The following C12orf54 variants were observed in gnomAD, a reference collection of about 807,000 sequenced individuals.
C12orf54 encodes the protein chromosome 12 open reading frame 54, also known as uncharacterized protein C12orf54.
In C12orf54, 24 loss-of-function variants were observed where a neutral mutation model predicts 26.4. The observed-to-expected ratio is 0.91, with a 90% CI of 0.66 to 1.28. The LOEUF (loss-of-function observed/expected upper bound fraction) is 1.28, where lower values mean the gene tolerates loss of function less well. C12orf54 is among the 50% of genes most tolerant of loss of function. C12orf54 has a pLI of 0.00. For synonymous variants in C12orf54, 54 were observed against 47.0 expected, an observed-to-expected ratio of 1.15 and a Z score of -0.61; for missense variants, 154 against 150.9, an observed-to-expected ratio of 1.02 and a Z score of -0.11.
At chr12:48,480,417 T>G (rs1404345316), upstream of C12orf54, among the ~76,000 whole-genome samples, 1 of 152,110 alleles carries the variant, frequency 6.6e-6, no homozygotes, top group Admixed American at 6.6e-5. Context: ...GCTTATCTGT[T>G]TACTCTGTTG....
At chr12:48,444,947 C>T in the C12orf54 span, among the ~76,000 whole-genome samples, 3 of 152,042 alleles carry the variant, frequency 2.0e-5, no homozygotes, top group South Asian at 2.1e-4. Context: ...CCGAGGTGGG[C>T]GGATCACGAG....
the C12orf54 span, among the ~76,000 whole-genome samples, chr12:48,468,232 G>T: frequency 6.6e-6 from 1 of 152,162 alleles, no homozygotes; most frequent in Non-Finnish European, 1.5e-5. Flanking sequence ...TTAGAGAGGG[G>T]TTATAAGAAG....
At chr12:48,454,092 G>GT in the C12orf54 span, among the ~76,000 whole-genome samples, 43 of 75,744 alleles carry the variant, frequency 5.7e-4, 5 homozygotes, top group Non-Finnish European at 7.8e-4. Flanking sequence ...CTCTTTTTTT[G>GT]TTTGTTTTTT....
intron 5 of C12orf54, chr12:48,489,317 G>A: frequency 2.6e-6 from 1 of 391,044 alleles, no homozygotes; most frequent in Non-Finnish European, 5.0e-6. Context: ...GTTAACTGCA[G>A]GGAAGTATGA....
At chr12:48,431,257 T>C in the C12orf54 span, among the ~76,000 whole-genome samples, 1 of 152,160 alleles carries the variant, frequency 6.6e-6, no homozygotes, top group Non-Finnish European at 1.5e-5. Context: ...CTTACTCATG[T>C]AACCAAACAC....
chr12:48,417,252 C>G, the C12orf54 span: 1 of 152,244 alleles, frequency 6.6e-6, no homozygotes, highest in African/African-American at 2.4e-5. Flanking sequence ...CTCCCAGGAA[C>G]AGCACAAATA....
chr12:48,489,286 C>T (rs1362502372), intron 5 of C12orf54: 4 of 478,678 alleles, frequency 8.4e-6, no homozygotes, highest in African/African-American at 3.9e-5. Context: ...TAGTAAACTG[C>T]CTTATTAGGT....
At chr12:48,447,212 C>CTGTGTGTATGTGTG in the C12orf54 span, among the ~76,000 whole-genome samples, 596 of 91,056 alleles carry the variant, frequency 6.5e-3, 10 homozygotes, top group Middle Eastern at 0.017. Flanking sequence ...CTCTCTTACT[C>CTGTGTGTATGTGTG]TGTGTGTGTG....
chr12:48,424,409 G>A, the C12orf54 span, among the ~76,000 whole-genome samples: 1 of 151,998 alleles, frequency 6.6e-6, no homozygotes, highest in South Asian at 2.1e-4. Context: ...TTTATAATTA[G>A]TATTATTTCT....
the C12orf54 span, among the ~76,000 whole-genome samples, chr12:48,471,125 C>T: frequency 6.6e-6 from 1 of 152,060 alleles, no homozygotes; most frequent in African/African-American, 2.4e-5. Context: ...CCCCACTACA[C>T]TTCCCAGCCC....
At chr12:48,429,446 A>C in the C12orf54 span, among the ~76,000 whole-genome samples, 1 of 152,228 alleles carries the variant, frequency 6.6e-6, no homozygotes, top group South Asian at 2.1e-4. Flanking sequence ...AGGCTCCTCA[A>C]ACTGATAAAA....
the C12orf54 span, among the ~76,000 whole-genome samples, chr12:48,459,000 C>CCTCACTAT: frequency 1.3e-5 from 2 of 151,578 alleles, no homozygotes; most frequent in Non-Finnish European, 3.0e-5. Context: ...CTTTTTTGAA[C>CCTCACTAT]CTCCTGTAAG....
chr12:48,438,943 G>T, the C12orf54 span, among the ~76,000 whole-genome samples: 1 of 152,048 alleles, frequency 6.6e-6, no homozygotes, highest in Non-Finnish European at 1.5e-5. Context: ...CACAGCAAAA[G>T]AAACTACCAT....
At chr12:48,473,204 T>G in the C12orf54 span, 15 of 1,308,386 alleles carry the variant, frequency 1.1e-5, no homozygotes, top group African/African-American at 4.4e-5. Context: ...AGGAGTATGA[T>G]GAAGATGCTC....
At chr12:48,435,729 A>C in the C12orf54 span, among the ~76,000 whole-genome samples, 1 of 150,076 alleles carries the variant, frequency 6.7e-6, no homozygotes, top group Admixed American at 6.6e-5. Context: ...TTTGTCACCA[A>C]GCCTGCCCTA....
At chr12:48,413,515 A>G in the C12orf54 span, among the ~76,000 whole-genome samples, 1 of 152,188 alleles carries the variant, frequency 6.6e-6, no homozygotes, top group African/African-American at 2.4e-5. Flanking sequence ...AGAGAAGGCA[A>G]AAGAAAAGCT....
Position 48,492,900 on chromosome 12 carries a change from T to A in C12orf54, c.194-47T>A, listed in dbSNP as rs762859970. The stretch of plus-strand genomic sequence containing the variant: ...TGTGAGCTGGGCAGCTGGGGAGACA[T>A]GTCCAGGCCCCTGTAACAGAATGAC... On this transcript the variant is annotated intron_variant, in intron 6 of 8. Transcript: ENST00000548364. 2.6e-6 allele frequency: 4 copies of A among 1,555,952 alleles called. No homozygotes were observed. In the South Asian group the frequency reaches 4.5e-5, roughly 17 times the overall value.
At chr12:48,456,944 G>T in the C12orf54 span, among the ~76,000 whole-genome samples, 3 of 151,944 alleles carry the variant, frequency 2.0e-5, no homozygotes, top group Non-Finnish European at 4.4e-5. Context: ...GGACCAGTCT[G>T]CCAAGAATCT....
the C12orf54 span, among the ~76,000 whole-genome samples, chr12:48,451,964 C>T: frequency 6.6e-6 from 1 of 152,128 alleles, no homozygotes; most frequent in Non-Finnish European, 1.5e-5. Context: ...TGATATTCTT[C>T]ACAGAATTAG....
Sources: allele counts gnomAD v4.1 joint callset (sites outside exome capture counted in the v4.1 genomes callset), GRCh38; gene constraint gnomAD v4.1.1; transcripts MANE v1.5; gene names NCBI Gene and HGNC (gene_info 2026-07-23, HGNC 2026-07-21).